The following TATDN2 variants were observed in gnomAD, a reference collection of about 807,000 sequenced individuals.
TATDN2 encodes the protein 3'-5' RNA nuclease TATDN2.
In TATDN2, 44 loss-of-function variants were observed where a neutral mutation model predicts 60.3. That is an observed-to-expected ratio of 0.73 (90% confidence interval 0.57 to 0.94). The LOEUF (loss-of-function observed/expected upper bound fraction) is 0.94, where lower values mean the gene tolerates loss of function less well. TATDN2 is among the 40% of genes least tolerant of loss of function. TATDN2 has a pLI of 0.00. For synonymous variants in TATDN2, 399 were observed against 355.8 expected, an observed-to-expected ratio of 1.12 and a Z score of -1.37; for missense variants, 997 against 948.0, an observed-to-expected ratio of 1.05 and a Z score of -0.68.
chr3:10,259,725 C>T (rs754665880), intron 2 of TATDN2, among the ~76,000 whole-genome samples: 2 of 152,176 alleles, frequency 1.3e-5, no homozygotes, highest in African/African-American at 4.8e-5. Context: ...GGGGCTAGCC[C>T]TTCCCCTCAC....
intron 5 of TATDN2, among the ~76,000 whole-genome samples, chr3:10,277,004 T>C (rs1698649144): frequency 6.6e-6 from 1 of 151,802 alleles, no homozygotes; most frequent in Non-Finnish European, 1.5e-5. Flanking sequence ...TTTGAACTAA[T>C]AACCCTAAAT....
In TATDN2 at chr3:10,270,932, A is replaced by G; in HGVS notation, c.1750A>G (p.Arg584Gly). ...AGAAAGAAATCTTTTGCAAGCCTTA[A>G]GGCACCCTAAGGCTGTGGCATTTGG... The part of the protein sequence containing the change: ...SQERNLLQAL[R>G]HPKAVAFGEM... The change falls in exon 4 of 8, where the codon AGG (arginine) becomes GGG (glycine). Residue 584 changes from arginine to glycine, a missense_variant. Transcript: ENST00000448281. 6.2e-7 allele frequency: 1 copy of G among 1,614,046 alleles called. No homozygotes were observed. The highest frequency in any genetic ancestry group is 8.5e-7 in the Non-Finnish European group (1 of 1,179,960).
intron 4 of TATDN2, among the ~76,000 whole-genome samples, chr3:10,275,774 A>C (rs112825679): frequency 0.6 from 71,983 of 119,648 alleles, 18,134 homozygotes; most frequent in East Asian, 0.72. Context: ...AAAACAAAAA[A>C]AAACAAAGCA....
chr3:10,267,205 G>A (rs957137780), intron 3 of TATDN2, among the ~76,000 whole-genome samples: 8 of 151,298 alleles, frequency 5.3e-5, no homozygotes, highest in East Asian at 3.9e-4. Context: ...ACAGGCGTGA[G>A]CCCCCTTGCC....
At chr3:10,268,732 TTTA>T (rs1309353162) in intron 3 of TATDN2, among the ~76,000 whole-genome samples, 1 of 152,224 alleles carries the variant, frequency 6.6e-6, no homozygotes, top group African/African-American at 2.4e-5. Flanking sequence ...TGAGGCACCA[TTTA>T]TTCTAAAAAT....
intron 3 of TATDN2, among the ~76,000 whole-genome samples, chr3:10,269,053 A>G (rs554986001): frequency 7.9e-5 from 12 of 152,296 alleles, no homozygotes; most frequent in Admixed American, 2.0e-4. Context: ...TCGTCATCTG[A>G]GAGTGTGACT....
In TATDN2 at chr3:10,260,866, CTT is replaced by C. The variant is rs35507180; in HGVS notation, c.948+209_948+210del. ...GTTATTAATAAACCTAAACTAAGTG[CTT>C]TTTTTTTTTTTTGAAGGATTTATAT... On this transcript the variant is annotated intron_variant, in intron 3 of 7. Coordinates refer to ENST00000448281, the MANE Select transcript of TATDN2 (RefSeq NM_014760.4). Among the ~76,000 whole-genome samples the C allele has an allele frequency of 2.1e-3, 303 of 145,882 alleles. 2 individuals carry two copies. The highest frequency in any genetic ancestry group is 4.5e-3 in the African/African-American group (179 of 39,718).
At position 10,280,828 on chromosome 3, in the gene TATDN2, CAA is replaced by C. The variant is rs1698725507; in HGVS notation, c.*1648_*1649del. 1 of 153,798 alleles carries C rather than the reference CAA, an allele frequency of 6.5e-6. No individual in the cohort carries two copies. The highest frequency in any genetic ancestry group is 2.4e-5 in the African/African-American group (1 of 41,444). The allele number at this position is 153,798 out of a possible 1,614,324, so 9.5% of individuals were successfully genotyped here. A position where few individuals can be genotyped will look rare whatever the true frequency, so the allele number is the denominator to read the frequency against. ...AGACTTGGGGGACTGCCGAGCATAT[CAA>C]AGTGTTTATAGTCACCAAGTGAACT... is the stretch of plus-strand genomic sequence containing the variant. On this transcript the variant is annotated 3_prime_UTR_variant, in exon 8 of 8. Coordinates refer to ENST00000448281, the MANE Select transcript of TATDN2 (RefSeq NM_014760.4).
rs747484501 is a variant in TATDN2 at position 10,249,423 on chromosome 3, C to G, written c.223C>G (p.Arg75Gly). 6.2e-6 allele frequency: 10 copies of G among 1,613,894 alleles called. No homozygotes were observed. In the South Asian group the frequency reaches 6.6e-5, roughly 11 times the overall value. The part of the protein sequence containing the change: ...CSRRLSWGSS[R>G]RRNNSSSSFS... Reference sequence around the variant, plus strand: ...GCGGAGGTTATCCTGGGGCTCATCCCGCCGCAGAAATAACTCCTCCTCCTC... The same window carrying G: ...GCGGAGGTTATCCTGGGGCTCATCCGGCCGCAGAAATAACTCCTCCTCCTC... Residue 75 changes from arginine to glycine, a missense_variant, in exon 2 of 8, where the codon CGC becomes GGC. By Grantham distance (125) the Arg-to-Gly change is moderately radical. Transcript: ENST00000448281.
chr3:10,277,551 T>C (rs1216197243), intron 5 of TATDN2, among the ~76,000 whole-genome samples: 2 of 152,172 alleles, frequency 1.3e-5, no homozygotes, highest in Non-Finnish European at 2.9e-5. Flanking sequence ...AATCGGGTCT[T>C]GTCAGATGGC....
chr3:10,253,463 G>A (rs965936156), intron 2 of TATDN2, among the ~76,000 whole-genome samples: 3 of 152,308 alleles, frequency 2.0e-5, no homozygotes, highest in African/African-American at 7.2e-5. Context: ...ACCTCACATC[G>A]TTCCCTTCTT....
At chr3:10,258,721 C>T (rs1013577855) in intron 2 of TATDN2, among the ~76,000 whole-genome samples, 8 of 150,134 alleles carry the variant, frequency 5.3e-5, no homozygotes, top group East Asian at 2.1e-4. Context: ...CCACTTGCCT[C>T]GGCCTCCCAA....
chr3:10,260,471 A>C lies in TATDN2; in HGVS notation c.749A>C (p.Lys250Thr). The C allele has an allele frequency of 6.2e-7, 1 of 1,614,072 alleles. No individual in the cohort carries two copies. Among genetic ancestry groups the C allele is most frequent in the Non-Finnish European group, 8.5e-7 (1 of 1,179,930 alleles). The change falls in exon 3 of 8, where the codon AAA (lysine) becomes ACA (threonine). Residue 250 changes from lysine (K) to threonine (T), a missense_variant. Transcript: ENST00000448281. Reference protein sequence around the residue: ...SVTVTAAQKEKDATPEVSMEE... With the variant: ...SVTVTAAQKETDATPEVSMEE... ...ACAGTCACTGCTGCTCAGAAGGAGAAAGACGCAACCCCAGAGGTCAGCATG... is the reference window on the plus strand; with the variant it reads ...ACAGTCACTGCTGCTCAGAAGGAGACAGACGCAACCCCAGAGGTCAGCATG...
At chr3:10,264,979 G>T (rs570901912) in intron 3 of TATDN2, among the ~76,000 whole-genome samples, 2 of 121,348 alleles carry the variant, frequency 1.6e-5, no homozygotes, top group Non-Finnish European at 3.4e-5. Flanking sequence ...CCTGGCTCAA[G>T]TTTATCTTCT....
At position 10,278,478 on chromosome 3, in the gene TATDN2, G is replaced by C. The variant is rs776039701; in HGVS notation, c.2145+16G>C. 10 of 1,606,478 alleles carry C rather than the reference G, an allele frequency of 6.2e-6. No homozygotes were observed. The South Asian group carries it at 1.1e-4, about 18-fold the overall frequency. ...CCCTCGCCAGGTAAGGGGGTCTTCAGGCTGAGTGGAGGCACCGGAGGGAGA... is the reference window on the plus strand; with the variant it reads ...CCCTCGCCAGGTAAGGGGGTCTTCACGCTGAGTGGAGGCACCGGAGGGAGA... On this transcript the variant is annotated intron_variant, in intron 6 of 7. Coordinates refer to ENST00000448281, the MANE Select transcript of TATDN2 (RefSeq NM_014760.4). This position sits in a 1 kb window ranked among gnomAD's most constrained non-coding sequence, Gnocchi z 4.7.
chr3:10,278,698 A>C lies in TATDN2; in HGVS notation c.2146-187A>C. On this transcript the variant is annotated intron_variant, in intron 6 of 7. Transcript: ENST00000448281. The surrounding 1 kb of genome is among the most constrained non-coding windows in gnomAD (Gnocchi z 4.7). ...AGCCCTACCCTGTAGAGGGTAGTCC[A>C]AGGAAGCGTGGGACCCTGCTCACCC... 1 of 1,030,584 alleles carries C rather than the reference A, an allele frequency of 9.7e-7. No homozygotes were observed. The highest frequency in any genetic ancestry group is 1.4e-5 in the South Asian group (1 of 74,018). 63.8% of individuals were successfully genotyped at this position (1,030,584 alleles called of 1,614,324 possible).
intron 3 of TATDN2, 24 bp downstream of exon 3, chr3:10,260,694 T>C: frequency 6.3e-7 from 1 of 1,593,678 alleles, no homozygotes; most frequent in South Asian, 1.1e-5. Context: ...GTACCAGGCA[T>C]CTGACTTTTT....
intron 3 of TATDN2, among the ~76,000 whole-genome samples, chr3:10,263,151 A>G (rs1012081226): frequency 2.0e-5 from 3 of 151,356 alleles, no homozygotes; most frequent in Middle Eastern, 3.5e-3. Context: ...CGCCCGGCTC[A>G]GCCTCCCAAA....
chr3:10,265,960 G>A (rs1698470402), intron 3 of TATDN2, among the ~76,000 whole-genome samples: 1 of 152,056 alleles, frequency 6.6e-6, no homozygotes, highest in African/African-American at 2.4e-5. Context: ...GTCTTTCTGG[G>A]GTCCTGTAGT....
Sources: gnomAD v4.1 joint callset for allele counts (sites outside exome capture counted in the v4.1 genomes callset) on GRCh38, gnomAD v4.1.1 for gene constraint, Gnocchi (gnomAD v3.1) non-coding constraint, MANE v1.5 for transcripts, NCBI Gene and HGNC (gene_info 2026-07-23, HGNC 2026-07-21) for gene names.